The following G2E3 variants were observed in gnomAD, a reference collection of about 807,000 sequenced individuals.
G2E3 encodes the protein G2/M phase-specific E3 ubiquitin-protein ligase.
G2E3 carries 35 observed loss-of-function variants against 92.8 expected under a neutral mutation model. The observed-to-expected ratio is 0.38, with a 90% CI of 0.29 to 0.50. The LOEUF (loss-of-function observed/expected upper bound fraction) is 0.50. G2E3 is among the 20% of genes least tolerant of loss of function. The pLI is 0.94. For synonymous variants in G2E3, 242 were observed against 272.4 expected, an observed-to-expected ratio of 0.89 and a Z score of 1.10; for missense variants, 554 against 823.8, an observed-to-expected ratio of 0.67 and a Z score of 4.01.
At chr14:30,581,476 G>A (rs1880429959) in intron 2 of G2E3, among the ~76,000 whole-genome samples, 1 of 152,224 alleles carries the variant, frequency 6.6e-6, no homozygotes, top group African/African-American at 2.4e-5. Context: ...CGAGGCTGAA[G>A]CAGGCAAATC....
Position 30,607,869 on chromosome 14 carries a change from T to G in G2E3, c.1319-19T>G, listed in dbSNP as rs1336626176. On this transcript the variant is annotated intron_variant, in intron 11 of 14. Coordinates refer to ENST00000206595, the MANE Select transcript of G2E3 (RefSeq NM_017769.5). ...TAATAATAGAAGTGTATTTGATATA[T>G]TTTCATCTGTATTTACAGCTCTGAA... 7.0e-7 allele frequency: 1 copy of G among 1,427,734 alleles called. No individual in the cohort carries two copies. The highest frequency in any genetic ancestry group is 1.2e-5 in the South Asian group (1 of 82,904). The allele number at this position is 1,427,734 out of a possible 1,614,324, so 88.4% of individuals were successfully genotyped here.
At chr14:30,569,368 G>A (rs2138778348) in intron 1 of G2E3, among the ~76,000 whole-genome samples, 1 of 152,174 alleles carries the variant, frequency 6.6e-6, no homozygotes, top group South Asian at 2.1e-4. Flanking sequence ...ATCTCCATTG[G>A]ACACAAGGCA....
In G2E3 at chr14:30,581,190, G is replaced by T; in HGVS notation, c.37+74G>T. On this transcript the variant is annotated intron_variant, in intron 2 of 14. Coordinates refer to ENST00000206595, the MANE Select transcript of G2E3 (RefSeq NM_017769.5). ...ATGTTACTTAAACATTAGGACTGAA[G>T]AGGAATGAATTCCCTGGCACAAGCT... is the stretch of plus-strand genomic sequence containing the variant. The T allele has an allele frequency of 3.7e-6, 3 of 813,790 alleles. No individual in the cohort carries two copies. In the East Asian group the frequency reaches 7.5e-5, roughly 20 times the overall value. 50.4% of individuals were successfully genotyped at this position (813,790 alleles called of 1,614,324 possible). A position where few individuals can be genotyped will look rare whatever the true frequency, so the allele number is the denominator to read the frequency against.
At chr14:30,614,599 A>G (rs1882232758) in intron 13 of G2E3, among the ~76,000 whole-genome samples, 5 of 152,242 alleles carry the variant, frequency 3.3e-5, no homozygotes, top group Admixed American at 3.3e-4. Context: ...AAATTTCAAC[A>G]TGAGTTTCGA....
At chr14:30,562,048 C>T (rs1263451382) in intron 1 of G2E3, among the ~76,000 whole-genome samples, 2 of 152,096 alleles carry the variant, frequency 1.3e-5, no homozygotes, top group Non-Finnish European at 2.9e-5. Flanking sequence ...ATGCTTTATA[C>T]ATATTTTCTC....
chr14:30,612,648 A>G (rs1405926011), intron 13 of G2E3, among the ~76,000 whole-genome samples: 1 of 152,136 alleles, frequency 6.6e-6, no homozygotes, highest in African/African-American at 2.4e-5. Flanking sequence ...ATTTGAGGTC[A>G]GGAGTTTGAG....
intron 13 of G2E3, 81 bp from the exon 14 acceptor site, chr14:30,615,268 G>C: frequency 4.3e-6 from 3 of 690,678 alleles, no homozygotes; most frequent in Non-Finnish European, 4.7e-6. Context: ...AAACATGCCA[G>C]ATAAAATGCT....
intron 1 of G2E3, among the ~76,000 whole-genome samples, chr14:30,565,385 T>C (rs540612637): frequency 1.3e-5 from 2 of 152,308 alleles, no homozygotes; most frequent in Admixed American, 1.3e-4. Flanking sequence ...TTTCAGGTTA[T>C]ATGATTTCTG....
chr14:30,572,648 G>T (rs550321192), intron 1 of G2E3, among the ~76,000 whole-genome samples: 74 of 151,932 alleles, frequency 4.9e-4, no homozygotes, highest in African/African-American at 1.6e-3. Flanking sequence ...TATTAACATG[G>T]TGTATTACTT....
chr14:30,582,258 C>A lies in G2E3; in HGVS notation c.37+1142C>A, dbSNP rs1880475037. On this transcript the variant is annotated intron_variant, in intron 2 of 14. Transcript: ENST00000206595. ...TCATTATTGTAATAGAAACCAGTAT[C>A]ATTTACTACACTAGACACCAATCTT... 2.0e-5 allele frequency among the ~76,000 whole-genome samples: 3 copies of A among 152,110 alleles called. No individual in the cohort carries two copies. In the South Asian group the frequency reaches 6.2e-4, roughly 32 times the overall value.
chr14:30,570,231 CTT>C (rs1879677545), intron 1 of G2E3, among the ~76,000 whole-genome samples: 1 of 152,132 alleles, frequency 6.6e-6, no homozygotes, highest in Non-Finnish European at 1.5e-5. Flanking sequence ...TCACTTCTCT[CTT>C]GCTGCTTTCA....
chr14:30,586,903 A>C (rs1880741499), intron 3 of G2E3, 88 bp downstream of exon 3: 1 of 452,732 alleles, frequency 2.2e-6, no homozygotes, highest in Non-Finnish European at 4.0e-6. Context: ...GAATTGGATA[A>C]GTCATTTAAC....
Position 30,618,875 on chromosome 14 carries a change from A to G in G2E3, c.*2341A>G, listed in dbSNP as rs1882436757. On this transcript the variant is annotated 3_prime_UTR_variant, in exon 15 of 15. Transcript: ENST00000206595. ...ATAATTCTTACATTAGATTTTAAAA[A>G]AGAATTATGCTATAAATCTTTATAA... The G allele has an allele frequency of 6.6e-6, 1 of 152,046 alleles. No homozygotes were observed. Among genetic ancestry groups the G allele is most frequent in the Admixed American group, 6.5e-5 (1 of 15,270 alleles). 9.4% of individuals were successfully genotyped at this position (152,046 alleles called of 1,614,324 possible).
intron 10 of G2E3, among the ~76,000 whole-genome samples, chr14:30,603,653 G>C (rs1415107106): frequency 1.3e-5 from 2 of 152,072 alleles, no homozygotes; most frequent in Non-Finnish European, 1.5e-5. Context: ...ACCAGTCTGG[G>C]CAATATTACG....
intron 11 of G2E3, among the ~76,000 whole-genome samples, chr14:30,606,443 C>A (rs1368173294): frequency 6.6e-6 from 1 of 152,074 alleles, no homozygotes; most frequent in Non-Finnish European, 1.5e-5. Context: ...ACTATATTTT[C>A]TGTAAACATC....
intron 1 of G2E3, among the ~76,000 whole-genome samples, chr14:30,566,074 A>G (rs1324832794): frequency 2.6e-5 from 4 of 152,164 alleles, no homozygotes; most frequent in Non-Finnish European, 2.9e-5. Flanking sequence ...TTTACTATAA[A>G]ACGTGAGTTT....
chr14:30,576,341 C>T (rs1024589890), intron 1 of G2E3, among the ~76,000 whole-genome samples: 1 of 152,168 alleles, frequency 6.6e-6, no homozygotes, highest in African/African-American at 2.4e-5. Flanking sequence ...AGCTGGACCC[C>T]TTCCTAACAC....
chr14:30,610,614 T>TA (rs1882043336), intron 12 of G2E3, among the ~76,000 whole-genome samples: 1 of 152,002 alleles, frequency 6.6e-6, no homozygotes, highest in African/African-American at 2.4e-5. Context: ...AATAAATAAA[T>TA]GTATACATAA....
intron 4 of G2E3, among the ~76,000 whole-genome samples, chr14:30,590,360 G>A (rs905286990): frequency 2.6e-5 from 4 of 152,114 alleles, no homozygotes; most frequent in Non-Finnish European, 4.4e-5. Flanking sequence ...TGAGGTGGAG[G>A]AGTGACTAGG....
Sources: allele counts gnomAD v4.1 joint callset (sites outside exome capture counted in the v4.1 genomes callset), GRCh38; gene constraint gnomAD v4.1.1; transcripts MANE v1.5; gene names NCBI Gene and HGNC (gene_info 2026-07-23, HGNC 2026-07-21).